ANO10: variants seen among roughly 807,000 people sequenced by gnomAD.
ANO10 encodes anoctamin 10, also known as anoctamin-10.
Under a neutral mutation model 74.7 loss-of-function variants are expected in ANO10, and 77 were observed. The ratio of observed to expected loss-of-function variants is 1.03; its 90% confidence interval spans 0.86 to 1.25. The LOEUF is 1.25. Ranked by LOEUF, ANO10 falls within the 50% of genes most tolerant of loss-of-function variation. The probability of loss-of-function intolerance (pLI) is 0.00; values close to 1 mark genes in which losing one functional copy is unlikely to be tolerated. For missense variants in ANO10, 721 were observed against 778.1 expected (o/e 0.93, Z 0.87); for synonymous variants, 279 against 284.9 (o/e 0.98, Z 0.21).
At chr3:43,665,505 G>A (rs535102677) in intron 1 of ANO10, among the ~76,000 whole-genome samples, 2 of 152,034 alleles carry the variant, frequency 1.3e-5, no homozygotes, top group African/African-American at 4.8e-5. Context: ...ACATGTAACC[G>A]AGAACTTAAC....
At position 43,598,667 on chromosome 3, in the gene ANO10, C is replaced by G; in HGVS notation, c.338-1G>C. 1 of 1,597,432 alleles carries G rather than the reference C, an allele frequency of 6.3e-7. No individual in the cohort carries two copies. Among genetic ancestry groups the G allele is most frequent in the African/African-American group, 1.3e-5 (1 of 74,602 alleles). On this transcript the variant is annotated splice_acceptor_variant, in intron 3 of 12. Transcript: ENST00000292246. LOFTEE classifies it high-confidence loss of function. ...ATTGTCAGGAAATCATCATTGTTAT[C>G]TAAAATAAAACAGAAATTACCAGAT...
intron 1 of ANO10, among the ~76,000 whole-genome samples, chr3:43,683,061 G>A (rs2084223009): frequency 6.6e-6 from 1 of 152,164 alleles, no homozygotes; most frequent in South Asian, 2.1e-4. Flanking sequence ...ATTCAACACA[G>A]TGTTGGAAGT....
intron 7 of ANO10, among the ~76,000 whole-genome samples, chr3:43,566,857 A>G (rs1315287864): frequency 6.6e-6 from 1 of 152,246 alleles, no homozygotes; most frequent in Non-Finnish European, 1.5e-5. Context: ...AGCTGAGAGA[A>G]GAAGGCTTCA....
At chr3:43,646,398 C>T (rs2083726432) in intron 1 of ANO10, among the ~76,000 whole-genome samples, 1 of 152,120 alleles carries the variant, frequency 6.6e-6, no homozygotes, top group African/African-American at 2.4e-5. Flanking sequence ...TGTATATGCT[C>T]ATTGTAACAG....
At chr3:43,462,943 G>A (rs747777787) in intron 11 of ANO10, among the ~76,000 whole-genome samples, 19 of 152,222 alleles carry the variant, frequency 1.2e-4, no homozygotes, top group Non-Finnish European at 2.5e-4. Context: ...TTGAGGCTGT[G>A]AGCACACAGA....
intron 11 of ANO10, among the ~76,000 whole-genome samples, chr3:43,454,978 G>A (rs1384291718): frequency 6.6e-6 from 1 of 152,212 alleles, no homozygotes; most frequent in Non-Finnish European, 1.5e-5. Context: ...CCTGGAGCCT[G>A]TGCTGGAGAC....
chr3:43,531,909 A>C (rs181547032), intron 11 of ANO10, among the ~76,000 whole-genome samples: 169 of 152,152 alleles, frequency 1.1e-3, no homozygotes, highest in East Asian at 6.2e-3. Flanking sequence ...TCAAAAAAAA[A>C]AAAACAAAAC....
intron 9 of ANO10, among the ~76,000 whole-genome samples, chr3:43,557,734 C>CAAAAAAAAA (rs893586520): frequency 2.3e-5 from 1 of 43,306 alleles, no homozygotes; most frequent in Non-Finnish European, 4.9e-5. Flanking sequence ...GACTCTGTCT[C>CAAAAAAAAA]AAAAAAAAAA....
At chr3:43,501,810 G>A (rs1559620226) in intron 11 of ANO10, among the ~76,000 whole-genome samples, 1 of 152,192 alleles carries the variant, frequency 6.6e-6, no homozygotes, top group Non-Finnish European at 1.5e-5. Context: ...TTATGGAGAA[G>A]GGGAGGAGGA....
At chr3:43,380,866 T>C (rs2091941066) in intron 12 of ANO10, among the ~76,000 whole-genome samples, 1 of 152,190 alleles carries the variant, frequency 6.6e-6, no homozygotes, top group African/African-American at 2.4e-5. Context: ...ATTAATCCGT[T>C]CTCACGCTGC....
intron 5 of ANO10, 68 bp from the exon 6 acceptor site, chr3:43,577,329 C>G (rs759639659): frequency 6.8e-7 from 1 of 1,464,238 alleles, no homozygotes; most frequent in Admixed American, 1.9e-5. Flanking sequence ...ATTTCAAGTA[C>G]GCTTATTCAT....
chr3:43,437,012 G>A (rs1295011432), intron 11 of ANO10, among the ~76,000 whole-genome samples: 1 of 152,126 alleles, frequency 6.6e-6, no homozygotes, highest in Non-Finnish European at 1.5e-5. Context: ...GGTATCCTCT[G>A]CTGATTACTA....
intron 12 of ANO10, among the ~76,000 whole-genome samples, chr3:43,420,595 A>G (rs2092805855): frequency 2.0e-5 from 3 of 152,196 alleles, no homozygotes; most frequent in Admixed American, 2.0e-4. Context: ...TTTACTAGTA[A>G]TTAAAAACAA....
At chr3:43,614,771 C>CTATATATATATATA (rs61084802) in intron 1 of ANO10, among the ~76,000 whole-genome samples, 550 of 52,572 alleles carry the variant, frequency 0.01, 28 homozygotes, top group African/African-American at 0.019. Flanking sequence ...GAAAACTAAA[C>CTATATATATATATA]TATATATATA....
chr3:43,679,120 T>C (rs1022770331), intron 1 of ANO10, among the ~76,000 whole-genome samples: 14 of 152,154 alleles, frequency 9.2e-5, no homozygotes, highest in Middle Eastern at 3.2e-3. Context: ...GTGCACCAAG[T>C]GTGAGCCGAA....
chr3:43,386,648 C>CGTGTGTGTGTGTGCGTGT (rs2092126730), intron 12 of ANO10, among the ~76,000 whole-genome samples: 1 of 139,892 alleles, frequency 7.1e-6, no homozygotes, highest in Non-Finnish European at 1.5e-5. Flanking sequence ...TAGGTGTGTA[C>CGTGTGTGTGTGTGCGTGT]GTGTGTGTGT....
intron 11 of ANO10, among the ~76,000 whole-genome samples, chr3:43,478,306 A>G (rs1279431097): frequency 6.6e-6 from 1 of 152,206 alleles, no homozygotes; most frequent in Admixed American, 6.5e-5. Context: ...CAACCTAAAA[A>G]ACAGCAGCCA....
intron 9 of ANO10, among the ~76,000 whole-genome samples, chr3:43,558,730 G>T (rs981464961): frequency 2.0e-5 from 3 of 152,120 alleles, no homozygotes; most frequent in Non-Finnish European, 4.4e-5. Flanking sequence ...CAGAAGAAAG[G>T]ATTCATGCAT....
intron 12 of ANO10, among the ~76,000 whole-genome samples, chr3:43,375,802 A>G (rs201868205): frequency 6.6e-5 from 10 of 152,104 alleles, no homozygotes; most frequent in South Asian, 4.2e-4. Context: ...CTGGGGGAGA[A>G]GGTGTCTTCC....
Sources: gnomAD v4.1 joint callset for allele counts (sites outside exome capture counted in the v4.1 genomes callset) on GRCh38, gnomAD v4.1.1 for gene constraint, MANE v1.5 for transcripts, NCBI Gene and HGNC (gene_info 2026-07-23, HGNC 2026-07-21) for gene names.